TAFA4: variants seen among roughly 807,000 people sequenced by gnomAD.
TAFA4 encodes chemokine-like protein TAFA-4.
In TAFA4, 20 loss-of-function variants were observed where a neutral mutation model predicts 21.1. The observed-to-expected ratio is 0.95, with a 90% CI of 0.67 to 1.38. The LOEUF (loss-of-function observed/expected upper bound fraction) is 1.38. Ranked by LOEUF, TAFA4 falls within the 40% of genes most tolerant of loss-of-function variation. The probability of loss-of-function intolerance (pLI) is 0.00; values close to 1 mark genes in which losing one functional copy is unlikely to be tolerated. For synonymous variants in TAFA4, 71 were observed against 67.4 expected (o/e 1.05, Z -0.26); for missense variants, 211 against 180.9 (o/e 1.17, Z -0.95).
intron 3 of TAFA4, among the ~76,000 whole-genome samples, chr3:68,792,479 G>T (rs1423662190): frequency 6.6e-6 from 1 of 152,062 alleles, no homozygotes; most frequent in Non-Finnish European, 1.5e-5. Context: ...ATCTTAGCAT[G>T]CCGCACAGTT....
At chr3:68,825,045 A>G (rs1158931961) in intron 3 of TAFA4, among the ~76,000 whole-genome samples, 1 of 152,196 alleles carries the variant, frequency 6.6e-6, no homozygotes, top group Non-Finnish European at 1.5e-5. Flanking sequence ...AACATGTGCC[A>G]TGGTGGTTTG....
intron 4 of TAFA4, among the ~76,000 whole-genome samples, chr3:68,751,392 C>G (rs1350906585): frequency 6.6e-6 from 1 of 152,038 alleles, no homozygotes; most frequent in Admixed American, 6.5e-5. Context: ...AGGGTGGCCC[C>G]TAGACTGTGG....
intron 3 of TAFA4, among the ~76,000 whole-genome samples, chr3:68,797,086 C>T (rs111699644): frequency 2.6e-4 from 39 of 152,264 alleles, no homozygotes; most frequent in East Asian, 7.7e-4. Flanking sequence ...GAAAACAATA[C>T]GGCATTTCCT....
intron 1 of TAFA4, among the ~76,000 whole-genome samples, chr3:68,920,970 C>T (rs539643751): frequency 3.3e-5 from 5 of 152,160 alleles, no homozygotes; most frequent in Non-Finnish European, 4.4e-5. Flanking sequence ...ACTTGGAAAC[C>T]TCATCTTCTA....
At chr3:68,873,464 A>C (rs145704204) in intron 3 of TAFA4, among the ~76,000 whole-genome samples, 7 of 152,112 alleles carry the variant, frequency 4.6e-5, no homozygotes, top group Admixed American at 3.9e-4. Flanking sequence ...CTAGACAAGT[A>C]ATTCATATTA....
chr3:68,888,307 C>T (rs1223727903), intron 1 of TAFA4, among the ~76,000 whole-genome samples: 1 of 152,056 alleles, frequency 6.6e-6, no homozygotes, highest in Non-Finnish European at 1.5e-5. Context: ...TGGCCCTTAC[C>T]GTCCATATTT....
intron 3 of TAFA4, among the ~76,000 whole-genome samples, chr3:68,775,818 T>C (rs570100389): frequency 2.6e-5 from 4 of 152,240 alleles, no homozygotes; most frequent in African/African-American, 7.2e-5. Context: ...GCAGAAGAGA[T>C]AGACCTGTTT....
chr3:68,870,147 T>C (rs932992492), intron 3 of TAFA4, among the ~76,000 whole-genome samples: 1 of 151,764 alleles, frequency 6.6e-6, no homozygotes, highest in African/African-American at 2.4e-5. Context: ...AAACCAGAGA[T>C]GCAAAAAATC....
At position 68,838,969 on chromosome 3, in the gene TAFA4, G is replaced by A. The variant is rs115201110; in HGVS notation, c.130+41761C>T. On this transcript the variant is annotated intron_variant, in intron 3 of 5. Coordinates refer to ENST00000295569, the MANE Select transcript of TAFA4 (RefSeq NM_182522.5). ...AAAAATTAGCCAGGTATGGTGAGGC[G>A]CACCTGTAGTCCCAGCTACCCAGGA... is the stretch of plus-strand genomic sequence containing the variant. 6.2e-3 allele frequency among the ~76,000 whole-genome samples: 944 copies of A among 152,194 alleles called. 9 individuals carry two copies. Among genetic ancestry groups the A allele is most frequent in the African/African-American group, 0.022 (913 of 41,520 alleles).
Position 68,752,858 on chromosome 3 carries a change from C to T in TAFA4, c.286+5G>A. 6.2e-7 allele frequency: 1 copy of T among 1,614,008 alleles called. No individual in the cohort carries two copies. The highest frequency in any genetic ancestry group is 8.5e-7 in the Non-Finnish European group (1 of 1,179,978). On this transcript the variant is annotated splice_donor_5th_base_variant and intron_variant, in intron 4 of 5. Transcript: ENST00000295569. ...TACCAGAGATGCTGACCAGAGAGGTCTTACCTTCAACACAAGAAGGTTGAG... is the reference window on the plus strand; with the variant it reads ...TACCAGAGATGCTGACCAGAGAGGTTTTACCTTCAACACAAGAAGGTTGAG...
chr3:68,803,797 CTT>C (rs386396961), intron 3 of TAFA4, among the ~76,000 whole-genome samples: 3 of 81,606 alleles, frequency 3.7e-5, no homozygotes, highest in African/African-American at 5.0e-5. Context: ...ATCTCTGATT[CTT>C]TTTTTTTTTT....
chr3:68,871,155 T>C (rs2089478280), intron 3 of TAFA4, among the ~76,000 whole-genome samples: 1 of 152,150 alleles, frequency 6.6e-6, no homozygotes, highest in African/African-American at 2.4e-5. Flanking sequence ...TGGCAATTCC[T>C]CAAGGATCTA....
At position 68,738,563 on chromosome 3, in the gene TAFA4, T is replaced by C. The variant is rs568166774; in HGVS notation, c.411+512A>G. On this transcript the variant is annotated intron_variant, in intron 5 of 5. Coordinates refer to ENST00000295569, the MANE Select transcript of TAFA4 (RefSeq NM_182522.5). ...TAAGGACAATGTAACCAACTGAACA[T>C]AGGAAGAAGGTAGGTTTCTGGCTGG... Among the ~76,000 whole-genome samples the C allele has an allele frequency of 1.1e-4, 16 of 152,232 alleles. 1 individual carries two copies. Among genetic ancestry groups the C allele is most frequent in the African/African-American group, 3.9e-4 (16 of 41,546 alleles).
intron 3 of TAFA4, among the ~76,000 whole-genome samples, chr3:68,868,058 G>C (rs2089440489): frequency 6.6e-6 from 1 of 152,010 alleles, no homozygotes; most frequent in Admixed American, 6.6e-5. Flanking sequence ...GAGTGGCTGA[G>C]TAGATTTTTG....
rs186476475 is a variant in TAFA4, at chr3:68,856,582, G to A, written c.130+24148C>T. Among the ~76,000 whole-genome samples, 148 of 152,142 alleles carry A rather than the reference G, an allele frequency of 9.7e-4. 1 individual carries two copies. The highest frequency in any genetic ancestry group is 2.5e-4 in the Non-Finnish European group (17 of 67,980). On this transcript the variant is annotated intron_variant, in intron 3 of 5. Transcript: ENST00000295569. Reference sequence around the variant, plus strand: ...GCTCCATAGGTACAACAACCTTCACGTGATCTTTAAATTAGCTCCATAATA... The same window carrying A: ...GCTCCATAGGTACAACAACCTTCACATGATCTTTAAATTAGCTCCATAATA...
intron 3 of TAFA4, among the ~76,000 whole-genome samples, chr3:68,776,927 TATA>T (rs1703059092): frequency 6.6e-6 from 1 of 151,954 alleles, no homozygotes; most frequent in Non-Finnish European, 1.5e-5. Flanking sequence ...CAAAACAAAT[TATA>T]ATATATTTTG....
intron 3 of TAFA4, among the ~76,000 whole-genome samples, chr3:68,813,694 A>T (rs1559530075): frequency 6.6e-6 from 1 of 152,182 alleles, no homozygotes; most frequent in African/African-American, 2.4e-5. Context: ...AACCAAAAAA[A>T]GTCCAGGACC....
chr3:68,823,904 G>T (rs1217922184), intron 3 of TAFA4, among the ~76,000 whole-genome samples: 4 of 152,136 alleles, frequency 2.6e-5, no homozygotes, highest in African/African-American at 9.7e-5. Flanking sequence ...TATCACACTT[G>T]TATTTAATAT....
At chr3:68,913,083 A>G (rs892821370) in intron 1 of TAFA4, among the ~76,000 whole-genome samples, 1 of 152,202 alleles carries the variant, frequency 6.6e-6, no homozygotes, top group African/African-American at 2.4e-5. Context: ...ACACGAAAAG[A>G]CTTTCAGCTG....
Sources: allele counts gnomAD v4.1 joint callset (sites outside exome capture counted in the v4.1 genomes callset), GRCh38; gene constraint gnomAD v4.1.1; transcripts MANE v1.5; gene names NCBI Gene and HGNC (gene_info 2026-07-23, HGNC 2026-07-21).